UCK2: variants seen among roughly 807,000 people sequenced by gnomAD.
The protein encoded by UCK2 is uridine-cytidine kinase 2.
Under a neutral mutation model 30.8 loss-of-function variants are expected in UCK2, and 6 were observed. That is an observed-to-expected ratio of 0.19 (90% CI 0.11 to 0.38). UCK2 has a LOEUF of 0.38. UCK2 is among the 10% of genes least tolerant of loss of function. UCK2 has a pLI of 1.00. For missense variants in UCK2, 210 were observed against 339.8 expected (o/e 0.62, Z 3.00); for synonymous variants, 125 against 133.6 (o/e 0.94, Z 0.45).
intron 1 of UCK2, among the ~76,000 whole-genome samples, chr1:165,875,265 G>A (rs950144559): frequency 2.6e-5 from 4 of 152,160 alleles, no homozygotes; most frequent in Non-Finnish European, 5.9e-5. Context: ...TGAGTTGCCC[G>A]AGATATCACT....
chr1:165,833,507 T>C (rs2101847696), intron 1 of UCK2, among the ~76,000 whole-genome samples: 1 of 152,246 alleles, frequency 6.6e-6, no homozygotes, highest in Admixed American at 6.5e-5. Flanking sequence ...CTGCCTTTCC[T>C]CAGGCTGTAT....
intron 1 of UCK2, among the ~76,000 whole-genome samples, chr1:165,888,164 G>T (rs1655667749): frequency 6.6e-6 from 1 of 152,144 alleles, no homozygotes; most frequent in Admixed American, 6.6e-5. Flanking sequence ...AACTTTAAAA[G>T]ATTTCATATT....
chr1:165,888,513 A>C (rs935359920), intron 1 of UCK2, among the ~76,000 whole-genome samples: 25 of 152,242 alleles, frequency 1.6e-4, no homozygotes, highest in African/African-American at 6.0e-4. Context: ...GCTAGTCTCA[A>C]ACTGACTTCA....
At chr1:165,856,381 C>A (rs891113855) in intron 1 of UCK2, among the ~76,000 whole-genome samples, 6 of 151,384 alleles carry the variant, frequency 4.0e-5, no homozygotes, top group African/African-American at 1.5e-4. Context: ...GTATCCCCAG[C>A]TCCTGGTATT....
chr1:165,846,493 A>G (rs1654453069), intron 1 of UCK2, among the ~76,000 whole-genome samples: 1 of 152,106 alleles, frequency 6.6e-6, no homozygotes, highest in Non-Finnish European at 1.5e-5. Flanking sequence ...GTCAAGTCTT[A>G]TCTTTCCTTC....
intron 1 of UCK2, among the ~76,000 whole-genome samples, chr1:165,854,746 T>C (rs947913205): frequency 1.6e-4 from 25 of 152,142 alleles, no homozygotes; most frequent in Non-Finnish European, 3.4e-4. Context: ...CTGAAGCAGC[T>C]CCCCCACTCT....
intron 1 of UCK2, among the ~76,000 whole-genome samples, chr1:165,844,722 A>G (rs1317564760): frequency 1.3e-5 from 2 of 152,196 alleles, no homozygotes; most frequent in Non-Finnish European, 2.9e-5. Flanking sequence ...CACTAATGAC[A>G]GCATTGTGAT....
intron 1 of UCK2, among the ~76,000 whole-genome samples, chr1:165,850,857 C>T (rs1257219225): frequency 1.3e-5 from 2 of 149,786 alleles, no homozygotes; most frequent in Admixed American, 6.6e-5. Flanking sequence ...CTCCTGACCT[C>T]GTGATCCACC....
intron 1 of UCK2, chr1:165,885,192 T>C (rs1655589006): frequency 7.7e-6 from 3 of 388,384 alleles, no homozygotes; most frequent in Non-Finnish European, 1.4e-5. Context: ...AAGCGGCTTA[T>C]GTTCTAAAAT....
chr1:165,842,622 T>G (rs566377368), intron 1 of UCK2, among the ~76,000 whole-genome samples: 1 of 152,314 alleles, frequency 6.6e-6, no homozygotes, highest in South Asian at 2.1e-4. Context: ...TCCACATCCA[T>G]ATTTCTTGCC....
At chr1:165,884,045 A>G (rs1401611994) in intron 1 of UCK2, among the ~76,000 whole-genome samples, 3 of 152,154 alleles carry the variant, frequency 2.0e-5, no homozygotes, top group East Asian at 1.9e-4. Flanking sequence ...GGGGGCTGCA[A>G]TGGTTTTTTC....
chr1:165,845,070 G>A (rs1263149604), intron 1 of UCK2, among the ~76,000 whole-genome samples: 1 of 152,198 alleles, frequency 6.6e-6, no homozygotes, highest in Admixed American at 6.5e-5. Flanking sequence ...CAGAAGCACA[G>A]GTCACAACCT....
chr1:165,888,642 C>CTTTTTTTTTTTTTTTTTT (rs60874109), intron 1 of UCK2, among the ~76,000 whole-genome samples: 3 of 71,020 alleles, frequency 4.2e-5, no homozygotes, highest in Admixed American at 2.0e-4. Flanking sequence ...CTTTCTTCTT[C>CTTTTTTTTTTTTTTTTTT]TTTTTTTTTT....
chr1:165,861,143 T>A lies in UCK2; in HGVS notation c.100-29061T>A, dbSNP rs905037920. Reference sequence around the variant, plus strand: ...TTCACTTGATGGAAAGGGCAAAAGGTATCCCCCAAGTCTCTTTTAAAAGGG... The same window carrying A: ...TTCACTTGATGGAAAGGGCAAAAGGAATCCCCCAAGTCTCTTTTAAAAGGG... On this transcript the variant is annotated intron_variant, in intron 1 of 6. Transcript: ENST00000367879. Among the ~76,000 whole-genome samples the A allele has an allele frequency of 2.6e-5, 4 of 152,016 alleles. No homozygotes were observed. The East Asian group carries it at 7.7e-4, about 29-fold the overall frequency.
intron 4 of UCK2, among the ~76,000 whole-genome samples, chr1:165,898,225 GT>G (rs1172132899): frequency 6.6e-6 from 1 of 151,028 alleles, no homozygotes; most frequent in African/African-American, 2.5e-5. Context: ...TGAGATCCTG[GT>G]TTTACCACTT....
intron 1 of UCK2, among the ~76,000 whole-genome samples, chr1:165,834,632 T>C (rs2101848337): frequency 6.6e-6 from 1 of 152,322 alleles, no homozygotes; most frequent in East Asian, 1.9e-4. Context: ...TTTTGAACAA[T>C]GACAGAAGGT....
chr1:165,850,954 TAA>T (rs1654581667), intron 1 of UCK2, among the ~76,000 whole-genome samples: 1 of 118,542 alleles, frequency 8.4e-6, no homozygotes, highest in Non-Finnish European at 1.7e-5. Flanking sequence ...TTTTTTTTTT[TAA>T]TAGAGAATGG....
chr1:165,866,729 A>G (rs1022211989), intron 1 of UCK2, among the ~76,000 whole-genome samples: 1 of 152,200 alleles, frequency 6.6e-6, no homozygotes, highest in Non-Finnish European at 1.5e-5. Context: ...GAATTGGACT[A>G]TTCTAGGTAC....
intron 3 of UCK2, 89 bp from the exon 4 acceptor site, chr1:165,896,101 C>T (rs916753681): frequency 1.9e-6 from 3 of 1,556,382 alleles, no homozygotes; most frequent in Non-Finnish European, 1.7e-6. Context: ...GAACCCAGAA[C>T]CCAGCCCAGC....
Sources: allele counts gnomAD v4.1 joint callset (sites outside exome capture counted in the v4.1 genomes callset), GRCh38; gene constraint gnomAD v4.1.1; transcripts MANE v1.5; gene names NCBI Gene and HGNC (gene_info 2026-07-23, HGNC 2026-07-21).